TANC2: variants seen among roughly 807,000 people sequenced by gnomAD.
TANC2 encodes the protein protein TANC2.
A neutral mutation model predicts 210.5 loss-of-function variants in TANC2; 26 were observed. That is an observed-to-expected ratio of 0.12 (90% CI 0.09 to 0.17). The LOEUF is 0.17. Ranked by LOEUF, TANC2 falls within the 10% of genes least tolerant of loss-of-function variation. The pLI is 1.00. For missense variants in TANC2, 2,129 were observed against 2,608.9 expected (o/e 0.82, Z 4.01); for synonymous variants, 931 against 967.1 (o/e 0.96, Z 0.69).
chr17:63,380,258 C>A lies in TANC2; in HGVS notation c.2691+432C>A, dbSNP rs193012697. Among the ~76,000 whole-genome samples, 5 of 152,192 alleles carry A rather than the reference C, an allele frequency of 3.3e-5. No individual in the cohort carries two copies. The East Asian group carries it at 5.8e-4, about 18-fold the overall frequency. ...GCTATGACTTTCAAACCAACACTAA[C>A]CTTCCTTGGAGCTACTTCCCCCAAA... On this transcript the variant is annotated intron_variant, in intron 15 of 27. Transcript: ENST00000689528.
Position 63,404,948 on chromosome 17 carries a change from T to C in TANC2, c.3332-174T>C, listed in dbSNP as rs537149598. Among the ~76,000 whole-genome samples, 7 of 152,374 alleles carry C rather than the reference T, an allele frequency of 4.6e-5. No homozygotes were observed. The South Asian group carries it at 1.4e-3, about 32-fold the overall frequency. On this transcript the variant is annotated intron_variant, in intron 19 of 27. Coordinates refer to ENST00000689528, the Ensembl canonical transcript of TANC2. ...TATTGTGAGGCAATTTAAATGTGTC[T>C]TTATTCATTATTTTTCTTTAGAACT...
At chr17:63,050,295 T>C (rs1298439781) in intron 2 of TANC2, among the ~76,000 whole-genome samples, 2 of 151,122 alleles carry the variant, frequency 1.3e-5, no homozygotes, top group Non-Finnish European at 2.9e-5. Context: ...AAATTGAGGC[T>C]TCAGTGAGCC....
chr17:63,154,338 A>G (rs1555587764), intron 5 of TANC2: 1 of 152,144 alleles, frequency 6.6e-6, no homozygotes, highest in Non-Finnish European at 1.5e-5. Context: ...TAATCCTGTC[A>G]CTGTGTAAAT....
intron 4 of TANC2, among the ~76,000 whole-genome samples, chr17:63,124,847 G>T (rs1039385638): frequency 1.4e-4 from 21 of 152,084 alleles, no homozygotes; most frequent in African/African-American, 5.1e-4. Context: ...GAGGGATCTA[G>T]GTTGCTTGCC....
chr17:63,388,802 G>A (rs971451440), intron 16 of TANC2, 45 bp downstream of exon 16: 7 of 1,408,030 alleles, frequency 5.0e-6, no homozygotes, highest in Non-Finnish European at 5.7e-6. Flanking sequence ...AATTAACTAT[G>A]AAAAAATAAA....
chr17:63,358,370 A>AT (rs1567949646), intron 14 of TANC2, among the ~76,000 whole-genome samples: 43 of 127,988 alleles, frequency 3.4e-4, no homozygotes, highest in African/African-American at 1.3e-3. Flanking sequence ...AGAGAGAGAG[A>AT]GAGAGAGTAT....
At chr17:63,227,146 T>C (rs1408102901) in intron 7 of TANC2, among the ~76,000 whole-genome samples, 1 of 152,190 alleles carries the variant, frequency 6.6e-6, no homozygotes, top group Non-Finnish European at 1.5e-5. Context: ...CCAAATAGTA[T>C]TTCCAGTTCT....
chr17:63,387,340 T>C (rs1338267537), intron 15 of TANC2, among the ~76,000 whole-genome samples: 1 of 152,180 alleles, frequency 6.6e-6, no homozygotes, highest in Non-Finnish European at 1.5e-5. Context: ...CAGGAAGTTT[T>C]TTCCTAACCC....
chr17:63,258,926 C>CCTTTTTG (rs2043278120), intron 8 of TANC2, among the ~76,000 whole-genome samples: 1 of 152,176 alleles, frequency 6.6e-6, no homozygotes, highest in Non-Finnish European at 1.5e-5. Flanking sequence ...AGGGAATACA[C>CCTTTTTG]AGAGTCACAC....
chr17:63,324,269 T>G (rs2045579146), intron 11 of TANC2, among the ~76,000 whole-genome samples: 1 of 152,168 alleles, frequency 6.6e-6, no homozygotes, highest in Non-Finnish European at 1.5e-5. Context: ...AAGCAAAGGT[T>G]TTTTTTCCCA....
rs144228306 is a variant in TANC2, at chr17:63,368,491, G to C, written c.2583-11227G>C. The stretch of plus-strand genomic sequence containing the variant: ...CCAAGAATATAAAGTAGAAAGTTTA[G>C]AAGCATGAAACAGAATAGTTATATT... On this transcript the variant is annotated intron_variant, in intron 14 of 27. Transcript: ENST00000689528. Among the ~76,000 whole-genome samples, 824 of 152,274 alleles carry C rather than the reference G, an allele frequency of 5.4e-3. 10 individuals are homozygous for C. The highest frequency in any genetic ancestry group is 0.019 in the African/African-American group (792 of 41,530).
chr17:63,403,768 A>T (rs1291038552), intron 19 of TANC2, among the ~76,000 whole-genome samples: 1 of 152,198 alleles, frequency 6.6e-6, no homozygotes. Context: ...TAAAATTACC[A>T]CATTTTACTT....
At chr17:63,202,039 G>A (rs893486520) in intron 7 of TANC2, among the ~76,000 whole-genome samples, 5 of 152,046 alleles carry the variant, frequency 3.3e-5, no homozygotes, top group African/African-American at 9.7e-5. Flanking sequence ...TTGGGACACT[G>A]TTCTAATGCT....
chr17:63,232,143 G>T (rs1217373292), intron 7 of TANC2, among the ~76,000 whole-genome samples: 1 of 152,076 alleles, frequency 6.6e-6, no homozygotes, highest in Non-Finnish European at 1.5e-5. Flanking sequence ...GGTTATTCTG[G>T]TTAACAGCTC....
chr17:63,171,577 G>C (rs928405452), intron 5 of TANC2, among the ~76,000 whole-genome samples: 6 of 152,006 alleles, frequency 3.9e-5, no homozygotes, highest in African/African-American at 9.7e-5. Flanking sequence ...TTTCTTTAAG[G>C]GTTTGAAGAG....
intron 7 of TANC2, among the ~76,000 whole-genome samples, chr17:63,213,148 A>G (rs2041933740): frequency 6.6e-6 from 1 of 152,204 alleles, no homozygotes. Flanking sequence ...TACAAGTGTA[A>G]TGTTTCAGTG....
At chr17:63,064,704 GTC>G (rs2144572323) in intron 2 of TANC2, among the ~76,000 whole-genome samples, 2 of 151,562 alleles carry the variant, frequency 1.3e-5, no homozygotes, top group East Asian at 3.9e-4. Context: ...GGATTTTATT[GTC>G]TCTGGATAAT....
chr17:63,297,361 A>C (rs1216657420), intron 9 of TANC2, among the ~76,000 whole-genome samples: 2 of 151,330 alleles, frequency 1.3e-5, no homozygotes, highest in Non-Finnish European at 2.9e-5. Context: ...TGGCATAGGA[A>C]TACACATAAA....
rs529341784 is a variant in TANC2 at position 63,273,299 on chromosome 17, A to T, written c.1159+5426A>T. Among the ~76,000 whole-genome samples the T allele has an allele frequency of 1.8e-4, 27 of 152,280 alleles. No homozygotes were observed. The South Asian group carries it at 5.0e-3, about 28-fold the overall frequency. Reference sequence around the variant, plus strand: ...TAGAAGGAGACCCTGTCTCATTTTTAAAAAATTATTGAGCTTATATTTATA... The same window carrying T: ...TAGAAGGAGACCCTGTCTCATTTTTTAAAAATTATTGAGCTTATATTTATA... On this transcript the variant is annotated intron_variant, in intron 9 of 27. Coordinates refer to ENST00000689528, the Ensembl canonical transcript of TANC2.
Sources: allele counts gnomAD v4.1 joint callset (sites outside exome capture counted in the v4.1 genomes callset), GRCh38; gene constraint gnomAD v4.1.1; transcripts MANE v1.5; gene names NCBI Gene and HGNC (gene_info 2026-07-23, HGNC 2026-07-21).